PDIA6: variants seen among roughly 807,000 people sequenced by gnomAD.
PDIA6 encodes the protein protein disulfide-isomerase A6.
A neutral mutation model predicts 58.4 loss-of-function variants in PDIA6; 29 were observed. That is an observed-to-expected ratio of 0.50 (90% confidence interval 0.37 to 0.68). The LOEUF (loss-of-function observed/expected upper bound fraction) is 0.68. Among genes scored for constraint, PDIA6 ranks in the 30% least tolerant of loss-of-function variants. The pLI is 0.00. For synonymous variants in PDIA6, 192 were observed against 202.6 expected (o/e 0.95, Z 0.44); for missense variants, 480 against 551.0 (o/e 0.87, Z 1.29).
upstream of PDIA6, among the ~76,000 whole-genome samples, chr2:10,814,772 G>A (rs1366188230): frequency 3.9e-5 from 6 of 152,132 alleles, no homozygotes; most frequent in Non-Finnish European, 5.9e-5. Context: ...CTTCCACAAC[G>A]CACTCACGAT....
intron 1 of PDIA6, among the ~76,000 whole-genome samples, chr2:10,825,733 G>A (rs1428254944): frequency 6.6e-6 from 1 of 152,222 alleles, no homozygotes; most frequent in African/African-American, 2.4e-5. Context: ...AAGATGCTCA[G>A]CGTCATTAGT....
intron 1 of PDIA6, among the ~76,000 whole-genome samples, chr2:10,822,647 A>G (rs1667434379): frequency 6.6e-6 from 1 of 152,248 alleles, no homozygotes; most frequent in Admixed American, 6.5e-5. Flanking sequence ...GGAGGCACTT[A>G]GTAGAGTGAT....
intron 11 of PDIA6, 135 bp from the exon 12 acceptor site, chr2:10,785,165 T>G: frequency 1.6e-6 from 1 of 642,700 alleles, no homozygotes; most frequent in Admixed American, 2.6e-5. Flanking sequence ...CTGCACTACA[T>G]TCCTCAGAAA....
At chr2:10,825,409 AG>A (rs1460311674) in intron 1 of PDIA6, among the ~76,000 whole-genome samples, 2 of 152,204 alleles carry the variant, frequency 1.3e-5, no homozygotes, top group Non-Finnish European at 2.9e-5. Flanking sequence ...TTCTTGAAAA[AG>A]TTTAAATTAG....
chr2:10,791,427 T>G (rs895790690), intron 6 of PDIA6, among the ~76,000 whole-genome samples: 4 of 152,246 alleles, frequency 2.6e-5, no homozygotes, highest in Admixed American at 2.6e-4. Context: ...ATTACAGGTG[T>G]GAGCCACCAT....
intron 1 of PDIA6, among the ~76,000 whole-genome samples, chr2:10,822,663 C>A (rs903195003): frequency 2.0e-5 from 3 of 152,232 alleles, no homozygotes; most frequent in African/African-American, 7.2e-5. Context: ...GTGATAATAT[C>A]TTCACCCTCT....
chr2:10,819,167 C>G (rs1490104103), intron 2 of PDIA6: 1 of 656,820 alleles, frequency 1.5e-6, no homozygotes, highest in Non-Finnish European at 2.7e-6. Context: ...ATGACTAGAC[C>G]TCATTTTGTT....
chr2:10,788,274 C>T (rs984279647), intron 10 of PDIA6, among the ~76,000 whole-genome samples: 1 of 152,090 alleles, frequency 6.6e-6, no homozygotes, highest in African/African-American at 2.4e-5. Context: ...AAACATGATT[C>T]CTATGAGAAA....
upstream of PDIA6, among the ~76,000 whole-genome samples, chr2:10,816,175 C>T (rs10182400): frequency 0.12 from 18,314 of 148,460 alleles, 1,391 homozygotes; most frequent in African/African-American, 0.2. Flanking sequence ...CTTTGCCTCC[C>T]GGGTTCAAGC....
chr2:10,788,827 TC>T, intron 9 of PDIA6, 58 bp from the exon 10 acceptor site: 1 of 1,559,114 alleles, frequency 6.4e-7, no homozygotes, highest in Non-Finnish European at 8.9e-7. Context: ...ATAAAATTAA[TC>T]CATTTAGAAA....
chr2:10,819,414 G>T, intron 1 of PDIA6: 2 of 978,740 alleles, frequency 2.0e-6, no homozygotes, highest in Non-Finnish European at 3.2e-6. Flanking sequence ...ATTACCGAAT[G>T]TTCACCATAT....
At chr2:10,803,698 CA>C (rs1666609247) in intron 1 of PDIA6, among the ~76,000 whole-genome samples, 1 of 152,050 alleles carries the variant, frequency 6.6e-6, no homozygotes, top group Non-Finnish European at 1.5e-5. Flanking sequence ...CTTAAGAACC[CA>C]AAAGTTCTCT....
chr2:10,792,539 T>C (rs1202775474), intron 5 of PDIA6, among the ~76,000 whole-genome samples: 4 of 152,226 alleles, frequency 2.6e-5, no homozygotes. Flanking sequence ...ACTGGTCTCC[T>C]AAAAGTAAAA....
At chr2:10,822,544 G>T (rs1438245957) in intron 1 of PDIA6, among the ~76,000 whole-genome samples, 1 of 152,224 alleles carries the variant, frequency 6.6e-6, no homozygotes, top group Non-Finnish European at 1.5e-5. Context: ...TTACAGGCGT[G>T]AGCCACCGTG....
At chr2:10,803,585 T>G (rs974388964) in intron 1 of PDIA6, among the ~76,000 whole-genome samples, 4 of 152,244 alleles carry the variant, frequency 2.6e-5, no homozygotes, top group Admixed American at 6.5e-5. Context: ...ACCACACAGT[T>G]CTGCCACATT....
chr2:10,806,040 A>AC lies in PDIA6; in HGVS notation c.20-3401_20-3400insG, dbSNP rs1219299593. ...AAAGTATAATTAAAAAAAAAAAAAA[A>AC]AAAACGAAAAAAACCTTACAGAATA... On this transcript the variant is annotated intron_variant, in intron 1 of 12. Transcript: ENST00000272227. Among the ~76,000 whole-genome samples the AC allele has an allele frequency of 6.8e-4, 92 of 134,504 alleles. 1 individual carries two copies. Among genetic ancestry groups the AC allele is most frequent in the Admixed American group, 1.8e-3 (23 of 12,962 alleles). 88.2% of individuals were successfully genotyped at this position (134,504 alleles called of 152,430 possible).
chr2:10,812,641 C>T, intron 1 of PDIA6, 37 bp downstream of exon 1: 1 of 1,509,378 alleles, frequency 6.6e-7, no homozygotes, highest in South Asian at 1.2e-5. Context: ...CAGGCCGACC[C>T]CAGCTCGCCC....
upstream of PDIA6, chr2:10,812,949 G>C (rs567663571): frequency 2.7e-4 from 176 of 660,510 alleles, no homozygotes; most frequent in Non-Finnish European, 3.4e-4. Context: ...TTTTTTCACG[G>C]GGGCGGTGGC....
upstream of PDIA6, among the ~76,000 whole-genome samples, chr2:10,816,907 A>G (rs931696150): frequency 6.6e-6 from 1 of 152,218 alleles, no homozygotes; most frequent in African/African-American, 2.4e-5. Flanking sequence ...TGCTTGGCAC[A>G]CTATAGGCTT....
Sources: allele counts gnomAD v4.1 joint callset (sites outside exome capture counted in the v4.1 genomes callset), GRCh38; gene constraint gnomAD v4.1.1; transcripts MANE v1.5; gene names NCBI Gene and HGNC (gene_info 2026-07-23, HGNC 2026-07-21).